TMEM161B: variants seen among roughly 807,000 people sequenced by gnomAD.
The protein encoded by TMEM161B is transmembrane protein 161B.
Under a neutral mutation model 61.8 loss-of-function variants are expected in TMEM161B, and 34 were observed. The ratio of observed to expected loss-of-function variants is 0.55; its 90% CI spans 0.42 to 0.73. The LOEUF is 0.73. Ranked by LOEUF, TMEM161B falls within the 30% of genes least tolerant of loss-of-function variation. The pLI is 0.00. For missense variants in TMEM161B, 456 were observed against 558.5 expected, an observed-to-expected ratio of 0.82 and a Z score of 1.85; for synonymous variants, 167 against 192.8, an observed-to-expected ratio of 0.87 and a Z score of 1.11.
chr5:88,242,602 A>C (rs1300716075), intron 1 of TMEM161B, among the ~76,000 whole-genome samples: 1 of 150,958 alleles, frequency 6.6e-6, no homozygotes, highest in African/African-American at 2.4e-5. Context: ...ATGACTTTGG[A>C]CATGTTATTT....
chr5:88,205,687 G>T, intron 8 of TMEM161B, 127 bp downstream of exon 8: 2 of 1,027,350 alleles, frequency 1.9e-6, no homozygotes, highest in Non-Finnish European at 1.4e-6. Flanking sequence ...GAAAGAGGAA[G>T]TAGTGTGACA....
At chr5:88,202,528 A>G (rs972562818) in intron 9 of TMEM161B, 12 of 185,072 alleles carry the variant, frequency 6.5e-5, no homozygotes, top group Admixed American at 1.8e-4. Flanking sequence ...TCAAAAAACA[A>G]AACAAAGAAT....
At chr5:88,209,145 C>CA (rs1746187235) in intron 5 of TMEM161B, among the ~76,000 whole-genome samples, 1 of 152,088 alleles carries the variant, frequency 6.6e-6, no homozygotes, top group Admixed American at 6.6e-5. Flanking sequence ...CAACCTGTAT[C>CA]AAACAATACA....
At chr5:88,201,706 TC>T (rs1744438888) in intron 9 of TMEM161B, 1 of 152,396 alleles carries the variant, frequency 6.6e-6, no homozygotes, top group Non-Finnish European at 1.5e-5. Context: ...TAGTAGTTTC[TC>T]TGAGACTTTT....
At chr5:88,218,608 C>T (rs1748351894) in intron 5 of TMEM161B, among the ~76,000 whole-genome samples, 1 of 152,168 alleles carries the variant, frequency 6.6e-6, no homozygotes, top group African/African-American at 2.4e-5. Flanking sequence ...GCTGGGGAGA[C>T]CCTGTCTCTA....
intron 1 of TMEM161B, among the ~76,000 whole-genome samples, chr5:88,262,239 C>T (rs1333211773): frequency 6.6e-6 from 1 of 152,106 alleles, no homozygotes; most frequent in Non-Finnish European, 1.5e-5. Flanking sequence ...ATTAGAATGG[C>T]CAAAATCCAG....
At chr5:88,205,446 A>G (rs1257032443) in intron 8 of TMEM161B, among the ~76,000 whole-genome samples, 3 of 152,094 alleles carry the variant, frequency 2.0e-5, no homozygotes, top group Non-Finnish European at 2.9e-5. Context: ...ATAGATATAT[A>G]TGAAAATTTA....
chr5:88,220,594 C>G lies in TMEM161B; in HGVS notation c.415G>C (p.Val139Leu). ...KPTQEMNISL[V>L]WCLLVLSFAI... is the part of the protein sequence containing the mutation. ...AAAGACAAAACAAGTAGGCACCAGACTAAGCTGATATTCATTTCCTGTGTA... is the reference window on the plus strand; with the variant it reads ...AAAGACAAAACAAGTAGGCACCAGAGTAAGCTGATATTCATTTCCTGTGTA... Residue 139 changes from valine to leucine, a missense_variant, in exon 5 of 12, where the codon GTC (valine) becomes CTC (leucine). Physicochemically the swap from Val to Leu is conservative, Grantham distance 32. Transcript: ENST00000296595. 1 of 1,592,846 alleles carries G rather than the reference C, an allele frequency of 6.3e-7. No individual in the cohort carries two copies. The highest frequency in any genetic ancestry group is 8.5e-7 in the Non-Finnish European group (1 of 1,173,856).
At chr5:88,224,403 C>A (rs1223559614) in intron 4 of TMEM161B, among the ~76,000 whole-genome samples, 2 of 152,096 alleles carry the variant, frequency 1.3e-5, no homozygotes, top group Non-Finnish European at 2.9e-5. Flanking sequence ...GATGCCTTTC[C>A]CTTCTAGGAT....
At chr5:88,223,241 A>G (rs1005415312) in intron 4 of TMEM161B, among the ~76,000 whole-genome samples, 1 of 146,870 alleles carries the variant, frequency 6.8e-6, no homozygotes, top group Non-Finnish European at 1.5e-5. Flanking sequence ...ATGAGTTAAG[A>G]AAAAAAAAAA....
At chr5:88,226,284 T>A (rs998476842) in intron 3 of TMEM161B, among the ~76,000 whole-genome samples, 1 of 151,998 alleles carries the variant, frequency 6.6e-6, no homozygotes, top group Non-Finnish European at 1.5e-5. Flanking sequence ...CATATGCAAG[T>A]CAGAGTTGAA....
At chr5:88,224,523 C>G (rs1222253974) in intron 4 of TMEM161B, among the ~76,000 whole-genome samples, 2 of 152,142 alleles carry the variant, frequency 1.3e-5, no homozygotes, top group Middle Eastern at 6.8e-3. Flanking sequence ...ACTAAATGAC[C>G]TATTTGGAAA....
intron 7 of TMEM161B, 151 bp from the exon 8 acceptor site, chr5:88,206,105 A>T: frequency 1.4e-6 from 1 of 722,918 alleles, no homozygotes. Flanking sequence ...AGTACCTATA[A>T]TGGATTCTGG....
chr5:88,225,812 G>C lies in TMEM161B; in HGVS notation c.246C>G (p.Asp82Glu). The change falls in exon 4 of 12, where the codon GAC becomes GAG. Residue 82 changes from aspartate to glutamate, a missense_variant. Around this residue, in one of 3 missense-constraint regions of TMEM161B, gnomAD observed 85 missense variants for 111.2 expected, o/e 0.76. Coordinates refer to ENST00000296595, the MANE Select transcript of TMEM161B (RefSeq NM_153354.5). Reference protein sequence around the residue: ...SKPLTIPKDIDLHLETKSVTE... With the variant: ...SKPLTIPKDIELHLETKSVTE... Reference sequence around the variant, plus strand: ...TAACTGACTTTGTTTCTAGATGAAGGTCAATATCCTTTGGAATGGTTAATG... The same window carrying C: ...TAACTGACTTTGTTTCTAGATGAAGCTCAATATCCTTTGGAATGGTTAATG... 6.2e-7 allele frequency: 1 copy of C among 1,611,396 alleles called. No individual in the cohort carries two copies. Among genetic ancestry groups the C allele is most frequent in the Non-Finnish European group, 8.5e-7 (1 of 1,178,742 alleles).
rs1393674588 is a variant in TMEM161B, at chr5:88,217,871, A to G, written c.446+2692T>C. ...CTGTGATGTGAAAGACAGCAACCAA[A>G]CACAAGCAACTCAGAGTAAAAAGAT... On this transcript the variant is annotated intron_variant, in intron 5 of 11. Coordinates refer to ENST00000296595, the MANE Select transcript of TMEM161B (RefSeq NM_153354.5). Among the ~76,000 whole-genome samples the G allele has an allele frequency of 2.0e-5, 3 of 151,016 alleles. No individual in the cohort carries two copies. In the East Asian group the frequency reaches 5.9e-4, roughly 29 times the overall value.
chr5:88,197,869 T>C lies in TMEM161B; in HGVS notation c.1090-104A>G, dbSNP rs556701347. 9 of 909,328 alleles carry C rather than the reference T, an allele frequency of 9.9e-6. No homozygotes were observed. In the South Asian group the frequency reaches 1.9e-4, roughly 19 times the overall value. The allele number at this position is 909,328 out of a possible 1,614,324, so 56.3% of individuals were successfully genotyped here. On this transcript the variant is annotated intron_variant, in intron 10 of 11. Coordinates refer to ENST00000296595, the MANE Select transcript of TMEM161B (RefSeq NM_153354.5). The stretch of plus-strand genomic sequence containing the variant: ...CCAAAATACTTAAGAGATAATCCTT[T>C]CACAAGAAGGAAGCTAAATGTCAGT...
chr5:88,247,787 T>G (rs1424029143), intron 1 of TMEM161B, among the ~76,000 whole-genome samples: 12 of 152,102 alleles, frequency 7.9e-5, no homozygotes, highest in Non-Finnish European at 2.9e-5. Context: ...GTTACTGATG[T>G]ATCTGGCACC....
At chr5:88,197,568 GA>G (rs1364949556) in intron 11 of TMEM161B, 100 bp downstream of exon 11, 5 of 992,092 alleles carry the variant, frequency 5.0e-6, no homozygotes, top group Non-Finnish European at 7.4e-6. Flanking sequence ...TTTAAAAAGA[GA>G]AACAATTTTA....
downstream of TMEM161B, among the ~76,000 whole-genome samples, chr5:88,186,764 T>C (rs535104322): frequency 5.5e-5 from 8 of 146,420 alleles, no homozygotes; most frequent in Middle Eastern, 3.5e-3. Flanking sequence ...ACGTCTCTAC[T>C]AAAAAAAAAA....
Sources: allele counts gnomAD v4.1 joint callset (sites outside exome capture counted in the v4.1 genomes callset), GRCh38; gene constraint gnomAD v4.1.1; regional missense constraint gnomAD v4.1.1; transcripts MANE v1.5; gene names NCBI Gene and HGNC (gene_info 2026-07-23, HGNC 2026-07-21).